TMEM132B: variants seen among roughly 807,000 people sequenced by gnomAD.
The protein encoded by TMEM132B is transmembrane protein 132B.
In TMEM132B, 18 loss-of-function variants were observed where a neutral mutation model predicts 90.8. The ratio of observed to expected loss-of-function variants is 0.20; its 90% CI spans 0.14 to 0.29. TMEM132B has a LOEUF of 0.29. Among genes scored for constraint, TMEM132B ranks in the 10% least tolerant of loss-of-function variants. The pLI is 1.00. For missense variants in TMEM132B, 1,096 were observed against 1,326.8 expected (o/e 0.83, Z 2.70); for synonymous variants, 504 against 523.3 (o/e 0.96, Z 0.50).
intron 1 of TMEM132B, among the ~76,000 whole-genome samples, chr12:125,271,377 G>A (rs1874832726): frequency 6.6e-6 from 1 of 152,192 alleles, no homozygotes; most frequent in African/African-American, 2.4e-5. Context: ...ATGATTGATC[G>A]TGGGAAGGAA....
intron 1 of TMEM132B, among the ~76,000 whole-genome samples, chr12:125,205,946 T>C (rs991390616): frequency 6.6e-6 from 1 of 152,196 alleles, no homozygotes; most frequent in Non-Finnish European, 1.5e-5. Flanking sequence ...CAGTAAGGGT[T>C]AATCATTAAG....
chr12:125,515,499 A>G (rs1592967485), intron 3 of TMEM132B, among the ~76,000 whole-genome samples: 2 of 151,098 alleles, frequency 1.3e-5, no homozygotes, highest in African/African-American at 4.9e-5. Flanking sequence ...ACACACATAC[A>G]TTGACACATT....
At chr12:125,570,936 G>A (rs1433197299) in intron 4 of TMEM132B, among the ~76,000 whole-genome samples, 1 of 152,200 alleles carries the variant, frequency 6.6e-6, no homozygotes, top group African/African-American at 2.4e-5. Flanking sequence ...AGCAGCTGGA[G>A]TGGAACACAC....
chr12:125,586,664 G>A (rs1462563120), intron 5 of TMEM132B: 2 of 152,194 alleles, frequency 1.3e-5, no homozygotes, highest in Non-Finnish European at 2.9e-5. Context: ...ACCCACCTCT[G>A]AGTCATTTAG....
chr12:125,205,938 G>C (rs1210478417), intron 1 of TMEM132B, among the ~76,000 whole-genome samples: 1 of 152,204 alleles, frequency 6.6e-6, no homozygotes. Context: ...GGGACCCTCA[G>C]TAAGGGTTAA....
chr12:125,576,277 T>G (rs1157538272), intron 4 of TMEM132B, among the ~76,000 whole-genome samples: 1 of 152,080 alleles, frequency 6.6e-6, no homozygotes, highest in African/African-American at 2.4e-5. Context: ...CATTTATGTA[T>G]TGTTCATTAC....
rs111664295 is a variant in TMEM132B at position 125,626,983 on chromosome 12, T to C, written c.1438-17093T>C. 2.2e-3 allele frequency among the ~76,000 whole-genome samples: 341 copies of C among 152,284 alleles called. 2 individuals carry two copies. The highest frequency in any genetic ancestry group is 3.2e-3 in the Non-Finnish European group (217 of 67,996). On this transcript the variant is annotated intron_variant, in intron 5 of 8. Coordinates refer to ENST00000682704, the MANE Select transcript of TMEM132B (RefSeq NM_001366854.1). ...CTCTTGGATGCCCTTTTCCTTTTCT[T>C]TGTCACTCTTATTCCCTTTGTGTTT... is the stretch of plus-strand genomic sequence containing the variant.
intron 3 of TMEM132B, among the ~76,000 whole-genome samples, chr12:125,471,188 T>C (rs1390952746): frequency 6.6e-6 from 1 of 152,238 alleles, no homozygotes; most frequent in African/African-American, 2.4e-5. Context: ...GGAATATCTC[T>C]CTGTGTGATC....
intron 2 of TMEM132B, among the ~76,000 whole-genome samples, chr12:125,371,710 G>A (rs191284495): frequency 3.7e-4 from 56 of 152,296 alleles, no homozygotes; most frequent in African/African-American, 1.3e-3. Flanking sequence ...ACATTTTGTC[G>A]ACCAGTGACT....
At chr12:125,616,769 A>G (rs368861175) in intron 5 of TMEM132B, among the ~76,000 whole-genome samples, 3 of 152,224 alleles carry the variant, frequency 2.0e-5, no homozygotes, top group South Asian at 4.1e-4. Context: ...AACGACCAAC[A>G]TGATGGTTTT....
Position 125,490,118 on chromosome 12 carries a change from G to T in TMEM132B, c.1107-29321G>T, listed in dbSNP as rs1347400421. On this transcript the variant is annotated intron_variant, in intron 3 of 8. Coordinates refer to ENST00000682704, the MANE Select transcript of TMEM132B (RefSeq NM_001366854.1). The surrounding 1 kb of genome is among the most constrained non-coding windows in gnomAD (Gnocchi z 4.2). ...TTAACTCTGTAAAGAATGCTAAATGGTTTTCCTTGCCTCTTAGTAGTAACT... is the reference window on the plus strand; with the variant it reads ...TTAACTCTGTAAAGAATGCTAAATGTTTTTCCTTGCCTCTTAGTAGTAACT... 6.6e-6 allele frequency among the ~76,000 whole-genome samples: 1 copy of T among 152,180 alleles called. No homozygotes were observed. The highest frequency in any genetic ancestry group is 1.5e-5 in the Non-Finnish European group (1 of 68,036).
At chr12:125,305,619 A>G (rs1458079661) in intron 1 of TMEM132B, among the ~76,000 whole-genome samples, 1 of 152,202 alleles carries the variant, frequency 6.6e-6, no homozygotes, top group Non-Finnish European at 1.5e-5. Flanking sequence ...ATTGCGTTTT[A>G]TAGATACATT....
At position 125,415,611 on chromosome 12, in the gene TMEM132B, A is replaced by G; in HGVS notation, c.1040A>G (p.Asp347Gly). The G allele has an allele frequency of 6.2e-7, 1 of 1,614,220 alleles. No homozygotes were observed. The change falls in exon 3 of 9, where the codon GAT becomes GGT. Residue 347 changes from aspartate to glycine, a missense_variant. By Grantham distance (94) the Asp-to-Gly change is moderately conservative. Coordinates refer to ENST00000682704, the MANE Select transcript of TMEM132B (RefSeq NM_001366854.1). This position sits in a 1 kb window ranked among gnomAD's most constrained non-coding sequence, Gnocchi z 5.3. ...EDQWAVQEEIDNGSTQTSATL... is the reference protein window; with the variant it reads ...EDQWAVQEEIGNGSTQTSATL... ...CAATGGGCAGTCCAGGAGGAAATTG[A>G]TAATGGCAGCACTCAGACGTCGGCC...
chr12:125,374,256 A>G (rs143279493), intron 2 of TMEM132B, among the ~76,000 whole-genome samples: 11 of 152,310 alleles, frequency 7.2e-5, no homozygotes, highest in African/African-American at 2.6e-4. Context: ...TGCAAAAGGA[A>G]GGGTTATTAC....
intron 3 of TMEM132B, among the ~76,000 whole-genome samples, chr12:125,430,826 C>G (rs1290658713): frequency 6.6e-6 from 1 of 152,114 alleles, no homozygotes; most frequent in Admixed American, 6.5e-5. Flanking sequence ...TAAAAGCTAA[C>G]AAGAAAAATA....
chr12:125,376,105 C>T (rs530607739), intron 2 of TMEM132B, among the ~76,000 whole-genome samples: 2 of 152,326 alleles, frequency 1.3e-5, no homozygotes, highest in African/African-American at 4.8e-5. Flanking sequence ...CTTGCACCCC[C>T]TAACCTCTTG....
intron 2 of TMEM132B, among the ~76,000 whole-genome samples, chr12:125,389,728 G>A (rs1053046366): frequency 1.3e-5 from 2 of 152,146 alleles, no homozygotes; most frequent in African/African-American, 4.8e-5. Flanking sequence ...AGCCAGACCT[G>A]TGGACATGTG....
chr12:125,427,369 G>A (rs575513812), intron 3 of TMEM132B, among the ~76,000 whole-genome samples: 104 of 152,280 alleles, frequency 6.8e-4, no homozygotes, highest in African/African-American at 2.2e-3. Context: ...CATTATAGAT[G>A]GGGAAACTGA....
At chr12:125,616,328 G>A (rs1338276367) in intron 5 of TMEM132B, among the ~76,000 whole-genome samples, 4 of 151,954 alleles carry the variant, frequency 2.6e-5, no homozygotes, top group African/African-American at 4.8e-5. Flanking sequence ...ATACCGTCTC[G>A]AGGTTACAGA....
Sources: allele counts gnomAD v4.1 joint callset (sites outside exome capture counted in the v4.1 genomes callset), GRCh38; gene constraint gnomAD v4.1.1; non-coding constraint Gnocchi (gnomAD v3.1); transcripts MANE v1.5; gene names NCBI Gene and HGNC (gene_info 2026-07-23, HGNC 2026-07-21).